TAOK1: variants seen among roughly 807,000 people sequenced by gnomAD.
TAOK1 encodes TAO kinase 1.
TAOK1 carries 21 observed loss-of-function variants against 138.3 expected under a neutral mutation model. The observed-to-expected ratio is 0.15, with a 90% confidence interval of 0.11 to 0.22. TAOK1 has a LOEUF of 0.22. Ranked by LOEUF, TAOK1 falls within the 10% of genes least tolerant of loss-of-function variation. The probability of loss-of-function intolerance (pLI) is 1.00; values close to 1 mark genes in which losing one functional copy is unlikely to be tolerated. For missense variants in TAOK1, 651 were observed against 1,227.7 expected (o/e 0.53, Z 7.02); for synonymous variants, 361 against 398.4 (o/e 0.91, Z 1.12).
At chr17:29,507,195 A>G (rs1358915036) in intron 13 of TAOK1, among the ~76,000 whole-genome samples, 2 of 151,598 alleles carry the variant, frequency 1.3e-5, no homozygotes, top group Non-Finnish European at 2.9e-5. Flanking sequence ...CACTAAACAT[A>G]TTGAATTGTT....
Position 29,522,294 on chromosome 17 carries a change from A to G in TAOK1, c.1923A>G (p.Arg641=), listed in dbSNP as rs776708189. The G allele has an allele frequency of 6.2e-6, 10 of 1,614,074 alleles. No individual in the cohort carries two copies. Among genetic ancestry groups the G allele is most frequent in the South Asian group, 1.1e-5 (1 of 91,082 alleles). ...TTATGGATTAGGAGTTAAACAAAAG[A>G]CAGACTCAGAAGGACTTAGAGCATG... ...QDLVREELNK[R]QTQKDLEHAM... Residue 641 remains arginine (R), a synonymous_variant, in exon 17 of 20, where the codon AGA becomes AGG. Transcript: ENST00000261716.
chr17:29,502,920 C>T (rs2031556458), intron 13 of TAOK1, among the ~76,000 whole-genome samples, 197 bp downstream of exon 13: 1 of 152,030 alleles, frequency 6.6e-6, no homozygotes, highest in African/African-American at 2.4e-5. Context: ...GTCTTCATGA[C>T]ACGTACACAA....
intron 15 of TAOK1, among the ~76,000 whole-genome samples, chr17:29,516,019 C>T (rs911128239): frequency 6.6e-6 from 1 of 151,538 alleles, no homozygotes; most frequent in Admixed American, 6.6e-5. Flanking sequence ...TGCAATGGTG[C>T]GATCTCGGCT....
intron 12 of TAOK1, 37 bp from the exon 13 acceptor site, chr17:29,502,552 C>T (rs1165985175): frequency 3.2e-6 from 5 of 1,576,812 alleles, no homozygotes; most frequent in Non-Finnish European, 4.3e-6. Flanking sequence ...ACAAACTGTT[C>T]ACCTTACATA....
In TAOK1 at chr17:29,402,866, G is replaced by A. The variant is rs908202426; in HGVS notation, c.-95+11842G>A. Among the ~76,000 whole-genome samples, 20 of 151,100 alleles carry A rather than the reference G, an allele frequency of 1.3e-4. 1 individual carries two copies. The highest frequency in any genetic ancestry group is 5.3e-4 in the Admixed American group (8 of 15,102). ...AGCCTGGCCAACATGCTGAAACCCT[G>A]TCTCTACTAAAAATACAAAAAAATT... On this transcript the variant is annotated intron_variant, in intron 1 of 19. Coordinates refer to ENST00000261716, the MANE Select transcript of TAOK1 (RefSeq NM_020791.4).
rs566451729 is a variant in TAOK1, at chr17:29,479,184, T to C, written c.449+837T>C. 2.6e-5 allele frequency among the ~76,000 whole-genome samples: 4 copies of C among 152,134 alleles called. No homozygotes were observed. The East Asian group carries it at 7.7e-4, about 29-fold the overall frequency. Reference sequence around the variant, plus strand: ...AACAGAAGCTGCTTAAGACTCCTTATGCTTTTGAGCTGTGGTCCTTGATAA... The same window carrying C: ...AACAGAAGCTGCTTAAGACTCCTTACGCTTTTGAGCTGTGGTCCTTGATAA... On this transcript the variant is annotated intron_variant, in intron 6 of 19. Coordinates refer to ENST00000261716, the MANE Select transcript of TAOK1 (RefSeq NM_020791.4).
At chr17:29,408,459 G>A (rs750294160) in intron 1 of TAOK1, among the ~76,000 whole-genome samples, 9 of 151,696 alleles carry the variant, frequency 5.9e-5, no homozygotes, top group Non-Finnish European at 8.8e-5. Context: ...CGAGTGATCC[G>A]CTTGCTTTGG....
intron 1 of TAOK1, among the ~76,000 whole-genome samples, chr17:29,409,865 A>T (rs536831506): frequency 6.6e-6 from 1 of 152,102 alleles, no homozygotes; most frequent in African/African-American, 2.4e-5. Context: ...GGAGTAGGGG[A>T]TGTAAGGATG....
chr17:29,489,074 G>T (rs1387056449), intron 8 of TAOK1, among the ~76,000 whole-genome samples: 1 of 152,160 alleles, frequency 6.6e-6, no homozygotes, highest in Non-Finnish European at 1.5e-5. Flanking sequence ...ACTATTAAAT[G>T]ACCTGATTTA....
intron 18 of TAOK1, among the ~76,000 whole-genome samples, chr17:29,531,200 CT>C (rs1289406953): frequency 6.6e-5 from 10 of 151,274 alleles, no homozygotes; most frequent in Admixed American, 6.6e-4. Context: ...ATCTCCTGAC[CT>C]CGTGATCCGC....
chr17:29,511,994 T>C (rs1173647401), intron 15 of TAOK1: 1 of 152,154 alleles, frequency 6.6e-6, no homozygotes, highest in East Asian at 1.9e-4. Flanking sequence ...ATTATTTCTT[T>C]GTGGCTACAG....
At chr17:29,415,421 C>T (rs1292701743) in intron 1 of TAOK1, among the ~76,000 whole-genome samples, 1 of 152,160 alleles carries the variant, frequency 6.6e-6, no homozygotes, top group Non-Finnish European at 1.5e-5. Flanking sequence ...GAAACGGCCA[C>T]CTATTTTCCA....
intron 1 of TAOK1, among the ~76,000 whole-genome samples, chr17:29,416,280 T>C (rs1002480825): frequency 2.0e-5 from 3 of 151,950 alleles, no homozygotes; most frequent in Non-Finnish European, 1.5e-5. Flanking sequence ...TAAAAAAGAT[T>C]ATGTATAGGG....
At chr17:29,478,403 CT>C in intron 6 of TAOK1, 56 bp downstream of exon 6, 1 of 1,216,742 alleles carries the variant, frequency 8.2e-7, no homozygotes, top group Non-Finnish European at 1.1e-6. Context: ...CATATACCAA[CT>C]TTAGAATTTA....
chr17:29,533,831 G>GAAAGAGA (rs1211613559), intron 18 of TAOK1, among the ~76,000 whole-genome samples: 1 of 116,294 alleles, frequency 8.6e-6, no homozygotes, highest in Non-Finnish European at 1.9e-5. Flanking sequence ...GGAGACCGTG[G>GAAAGAGA]GGAGAGGGAG....
chr17:29,441,683 C>T (rs1051639353), intron 1 of TAOK1, among the ~76,000 whole-genome samples: 1 of 152,058 alleles, frequency 6.6e-6, no homozygotes, highest in South Asian at 2.1e-4. Context: ...AGGTGGATCA[C>T]GAGGTGAAGA....
chr17:29,506,505 C>G (rs2031631875), intron 13 of TAOK1, among the ~76,000 whole-genome samples: 1 of 151,970 alleles, frequency 6.6e-6, no homozygotes, highest in African/African-American at 2.4e-5. Flanking sequence ...TCAAAATGTA[C>G]AAAGTTTCAG....
chr17:29,515,508 C>T (rs893058788), intron 15 of TAOK1, among the ~76,000 whole-genome samples: 1 of 152,142 alleles, frequency 6.6e-6, no homozygotes, highest in African/African-American at 2.4e-5. Flanking sequence ...GTGTACATAT[C>T]TCTCTTTCCT....
chr17:29,408,753 C>T (rs1905064551), intron 1 of TAOK1, among the ~76,000 whole-genome samples: 1 of 151,802 alleles, frequency 6.6e-6, no homozygotes, highest in African/African-American at 2.4e-5. Context: ...CACTGTGTCA[C>T]CTAGGCTGGA....
Sources: gnomAD v4.1 joint callset for allele counts (sites outside exome capture counted in the v4.1 genomes callset) on GRCh38, gnomAD v4.1.1 for gene constraint, MANE v1.5 for transcripts, NCBI Gene and HGNC (gene_info 2026-07-23, HGNC 2026-07-21) for gene names.